SLC17A6: variants seen among roughly 807,000 people sequenced by gnomAD.
The protein encoded by SLC17A6 is solute carrier family 17 member 6.
A neutral mutation model predicts 67.1 loss-of-function variants in SLC17A6; 35 were observed. That is an observed-to-expected ratio of 0.52 (90% CI 0.40 to 0.69). SLC17A6 has a LOEUF of 0.69. Among genes scored for constraint, SLC17A6 ranks in the 30% least tolerant of loss-of-function variants. The pLI is 0.00. For missense variants in SLC17A6, 588 were observed against 723.9 expected, an observed-to-expected ratio of 0.81 and a Z score of 2.15; for synonymous variants, 285 against 252.3, an observed-to-expected ratio of 1.13 and a Z score of -1.23.
chr11:22,356,506 G>A (rs1164652252), intron 3 of SLC17A6, among the ~76,000 whole-genome samples: 5 of 152,068 alleles, frequency 3.3e-5, no homozygotes, highest in Non-Finnish European at 5.9e-5. Context: ...ATTTTGAGAT[G>A]AAGCGCCCAC....
chr11:22,356,484 G>T lies in SLC17A6; in HGVS notation c.459-2929G>T, dbSNP rs78753332. 9.9e-5 allele frequency among the ~76,000 whole-genome samples: 15 copies of T among 152,086 alleles called. No individual in the cohort carries two copies. The East Asian group carries it at 2.9e-3, about 29-fold the overall frequency. ...TTGATGGATTCTTAACTAGTTACAGGGAATTCAATGGATTTTGAGATGAAG... is the reference window on the plus strand; with the variant it reads ...TTGATGGATTCTTAACTAGTTACAGTGAATTCAATGGATTTTGAGATGAAG... On this transcript the variant is annotated intron_variant, in intron 3 of 11. Transcript: ENST00000263160.
At chr11:22,339,159 ATATATGT>A (rs1855780412) in intron 1 of SLC17A6, among the ~76,000 whole-genome samples, 1 of 53,916 alleles carries the variant, frequency 1.9e-5, no homozygotes, top group Non-Finnish European at 3.2e-5. Context: ...ATAGTTATAT[ATATATGT>A]TATATATATA....
Position 22,374,790 on chromosome 11 carries a change from G to A in SLC17A6, c.1077G>A (p.Met359Ile). The stretch of plus-strand genomic sequence containing the variant: ...TATCTGCTGTGCCACACTTAGTAAT[G>A]ACAATTATTGTGCCTATTGGGGGAC... ...GMLSAVPHLV[M>I]TIIVPIGGQI... Residue 359 changes from methionine (M) to isoleucine (I), a missense_variant, in exon 9 of 12, where the codon ATG becomes ATA. Met to Ile is a conservative substitution (Grantham distance 10). Coordinates refer to ENST00000263160, the MANE Select transcript of SLC17A6 (RefSeq NM_020346.3). 3 of 1,612,892 alleles carry A rather than the reference G, an allele frequency of 1.9e-6. No individual in the cohort carries two copies. The highest frequency in any genetic ancestry group is 2.5e-6 in the Non-Finnish European group (3 of 1,179,582).
chr11:22,361,976 G>T (rs929155122), intron 5 of SLC17A6, among the ~76,000 whole-genome samples: 9 of 151,852 alleles, frequency 5.9e-5, no homozygotes, highest in African/African-American at 1.7e-4. Context: ...ATGCATTTGA[G>T]TCTAAATCAC....
intron 7 of SLC17A6, among the ~76,000 whole-genome samples, chr11:22,368,171 C>T (rs1049475927): frequency 1.6e-4 from 25 of 152,010 alleles, no homozygotes; most frequent in African/African-American, 5.3e-4. Context: ...ACTACTATCA[C>T]ACTTAACATA....
chr11:22,343,181 C>A, intron 2 of SLC17A6, 66 bp from the exon 3 acceptor site: 1 of 1,363,720 alleles, frequency 7.3e-7, no homozygotes, highest in Non-Finnish European at 1.0e-6. Context: ...TTGTGAACCA[C>A]TGAAAGTGAG....
In SLC17A6 at chr11:22,360,749, T is replaced by C. The variant is rs1418414782; in HGVS notation, c.574-148T>C. On this transcript the variant is annotated intron_variant, in intron 4 of 11. Coordinates refer to ENST00000263160, the MANE Select transcript of SLC17A6 (RefSeq NM_020346.3). Reference sequence around the variant, plus strand: ...TGTTCAGAATTGCAGATAAATTGATTAATATACAGTCTTTTCTTTTACCTT... The same window carrying C: ...TGTTCAGAATTGCAGATAAATTGATCAATATACAGTCTTTTCTTTTACCTT... 5 of 582,158 alleles carry C rather than the reference T, an allele frequency of 8.6e-6. No individual in the cohort carries two copies. The African/African-American group carries it at 9.3e-5, about 11-fold the overall frequency. The allele number at this position is 582,158 out of a possible 1,614,324, so 36.1% of individuals were successfully genotyped here.
chr11:22,377,463 T>A lies in SLC17A6; in HGVS notation c.1472T>A (p.Val491Asp). 3 of 1,614,120 alleles carry A rather than the reference T, an allele frequency of 1.9e-6. No individual in the cohort carries two copies. The highest frequency in any genetic ancestry group is 1.7e-6 in the Non-Finnish European group (2 of 1,179,992). Residue 491 changes from valine (V) to aspartate (D), a missense_variant, in exon 12 of 12, where the codon GTT (valine) becomes GAT (aspartate). Coordinates refer to ENST00000263160, the MANE Select transcript of SLC17A6 (RefSeq NM_020346.3). Reference protein sequence around the residue: ...LIAALVHYGGVIFYAIFASGE... With the variant: ...LIAALVHYGGDIFYAIFASGE... ...GCTGCCCTAGTCCACTATGGTGGAG[T>A]TATATTTTATGCAATATTTGCCTCA... is the stretch of plus-strand genomic sequence containing the variant.
At chr11:22,347,791 T>C (rs1855895455) in intron 3 of SLC17A6, among the ~76,000 whole-genome samples, 1 of 152,216 alleles carries the variant, frequency 6.6e-6, no homozygotes. Context: ...ACATCCAATC[T>C]TTGAATTCTA....
chr11:22,353,751 C>T (rs1473530935), intron 3 of SLC17A6, among the ~76,000 whole-genome samples: 1 of 152,124 alleles, frequency 6.6e-6, no homozygotes, highest in Non-Finnish European at 1.5e-5. Context: ...TTGCCTCTAC[C>T]CTCTATAACA....
chr11:22,341,708 C>A lies in SLC17A6; in HGVS notation c.267C>A (p.Cys89Ter). ...LGFCISFGIR[C>*]NLGVAIVDMV... ...TCTGCATCTCCTTCGGTATCCGCTG[C>A]AACCTGGGCGTGGCCATTGTGGACA... The change falls in exon 2 of 12, where the codon TGC becomes TGA. Residue 89 changes from cysteine (C) to a stop codon, truncating the protein, a stop_gained. Coordinates refer to ENST00000263160, the MANE Select transcript of SLC17A6 (RefSeq NM_020346.3). LOFTEE classifies it high-confidence loss of function. 1 of 1,614,236 alleles carries A rather than the reference C, an allele frequency of 6.2e-7. No homozygotes were observed. Among genetic ancestry groups the A allele is most frequent in the Non-Finnish European group, 8.5e-7 (1 of 1,180,046 alleles).
intron 5 of SLC17A6, 108 bp downstream of exon 5, chr11:22,361,092 T>C: frequency 1.3e-6 from 1 of 759,822 alleles, no homozygotes; most frequent in Admixed American, 2.3e-5. Flanking sequence ...GGGTTTTGTA[T>C]GAACATCTGT....
At chr11:22,352,182 G>T (rs1037615704) in intron 3 of SLC17A6, among the ~76,000 whole-genome samples, 1 of 152,154 alleles carries the variant, frequency 6.6e-6, no homozygotes, top group Non-Finnish European at 1.5e-5. Flanking sequence ...GCAGTAACAG[G>T]CAATGTGATG....
At chr11:22,347,686 G>T (rs188540032) in intron 3 of SLC17A6, among the ~76,000 whole-genome samples, 6 of 151,932 alleles carry the variant, frequency 3.9e-5, no homozygotes, top group African/African-American at 1.4e-4. Context: ...TGAAATTATT[G>T]TTCACTAAAA....
chr11:22,345,554 C>T (rs1855867375), intron 3 of SLC17A6, among the ~76,000 whole-genome samples: 1 of 151,902 alleles, frequency 6.6e-6, no homozygotes, highest in Non-Finnish European at 1.5e-5. Flanking sequence ...AATGGGTATT[C>T]AAGGGAAAGG....
intron 3 of SLC17A6, among the ~76,000 whole-genome samples, chr11:22,346,348 C>T (rs1855875355): frequency 6.6e-6 from 1 of 152,136 alleles, no homozygotes; most frequent in Admixed American, 6.5e-5. Flanking sequence ...GCAAAGACAG[C>T]CCCACTCTTG....
chr11:22,350,961 C>T (rs1235411406), intron 3 of SLC17A6, among the ~76,000 whole-genome samples: 1 of 151,980 alleles, frequency 6.6e-6, no homozygotes, highest in Non-Finnish European at 1.5e-5. Context: ...TAAAAATATA[C>T]TGCCTGATAT....
intron 3 of SLC17A6, among the ~76,000 whole-genome samples, chr11:22,347,616 C>CT (rs1237920674): frequency 2.0e-5 from 3 of 152,096 alleles, no homozygotes; most frequent in Admixed American, 6.5e-5. Context: ...ATAAAAATGC[C>CT]TTTTTTCATG....
intron 11 of SLC17A6, among the ~76,000 whole-genome samples, chr11:22,376,917 G>A (rs193023625): frequency 1.4e-4 from 22 of 152,152 alleles, no homozygotes; most frequent in Non-Finnish European, 2.4e-4. Context: ...TACCCCTGAT[G>A]TGATAAAAAC....
Sources: gnomAD v4.1 joint callset for allele counts (sites outside exome capture counted in the v4.1 genomes callset) on GRCh38, gnomAD v4.1.1 for gene constraint, MANE v1.5 for transcripts, NCBI Gene and HGNC (gene_info 2026-07-23, HGNC 2026-07-21) for gene names.